The following AFF2 variants were observed in gnomAD, a reference collection of about 807,000 sequenced individuals.
The protein encoded by AFF2 is AF4/FMR2 family member 2.
AFF2 carries 14 observed loss-of-function variants against 76.9 expected under a neutral mutation model. That is an observed-to-expected ratio of 0.18 (90% CI 0.12 to 0.28). The LOEUF is 0.28. Among genes scored for constraint, AFF2 ranks in the 10% least tolerant of loss-of-function variants. The pLI, the probability that AFF2 is intolerant of heterozygous loss-of-function variation, is 1.00. For missense variants in AFF2, 868 were observed against 1,001.1 expected, an observed-to-expected ratio of 0.87 and a Z score of 1.79; for synonymous variants, 398 against 366.7, an observed-to-expected ratio of 1.09 and a Z score of -0.98.
chrX:148,624,977 T>G (rs2053907957), intron 1 of AFF2, among the ~76,000 whole-genome samples: 1 of 111,800 alleles, frequency 8.9e-6, no homozygotes, highest in African/African-American at 3.2e-5. Flanking sequence ...TCTCTAGTTA[T>G]GAGCTCCATT....
chrX:148,698,637 A>C (rs1486690281), intron 3 of AFF2, among the ~76,000 whole-genome samples: 2 of 112,271 alleles, frequency 1.8e-5, no homozygotes, highest in African/African-American at 6.5e-5. Context: ...GTTTGCATAA[A>C]CAAATGTTAA....
At chrX:148,713,689 C>T in intron 3 of AFF2, among the ~76,000 whole-genome samples, 1 of 111,624 alleles carries the variant, frequency 9.0e-6, no homozygotes, top group Non-Finnish European at 1.9e-5. Flanking sequence ...GAAAAGGCTG[C>T]CCACTTATTG....
chrX:148,758,640 AAGG>A (rs1174252165), intron 3 of AFF2, among the ~76,000 whole-genome samples: 2 of 111,822 alleles, frequency 1.8e-5, no homozygotes, highest in East Asian at 5.6e-4. Flanking sequence ...TTAAAACTTG[AAGG>A]AAGACCTTCT....
In AFF2 at chrX:148,916,272, C is replaced by G. The variant is rs112013706; in HGVS notation, c.1397+12014C>G. Reference sequence around the variant, plus strand: ...TCGCCCAGGTTGGAGTGCAGTGGCGCGATCTCGGCTCACTGCAAGCTCCGC... The same window carrying G: ...TCGCCCAGGTTGGAGTGCAGTGGCGGGATCTCGGCTCACTGCAAGCTCCGC... On this transcript the variant is annotated intron_variant, in intron 9 of 20. Coordinates refer to ENST00000370460, the MANE Select transcript of AFF2 (RefSeq NM_002025.4). Among the ~76,000 whole-genome samples, 814 of 88,053 alleles carry G rather than the reference C, an allele frequency of 9.2e-3. 18 individuals are homozygous for G. The highest frequency in any genetic ancestry group is 0.036 in the African/African-American group (772 of 21,497). 76.5% of individuals were successfully genotyped at this position (88,053 alleles called of 115,157 possible). A position where few individuals can be genotyped will look rare whatever the true frequency, so the allele number is the denominator to read the frequency against.
At chrX:148,628,175 GACTGGTGATGGGGGGACAAC>G (rs2053945415) in intron 1 of AFF2, among the ~76,000 whole-genome samples, 1 of 111,488 alleles carries the variant, frequency 9.0e-6, no homozygotes, top group South Asian at 3.7e-4. Flanking sequence ...TGAAGTGAGA[GACTGGTGATGGGGGGACAAC>G]ACTGTGAATG....
intron 3 of AFF2, among the ~76,000 whole-genome samples, chrX:148,802,213 G>A (rs2070068613): frequency 8.9e-6 from 1 of 112,184 alleles, no homozygotes; most frequent in Non-Finnish European, 1.9e-5. Flanking sequence ...TAATAAAATC[G>A]TAGAATCCAA....
At chrX:148,932,593 G>T (rs1557284517) in intron 9 of AFF2, among the ~76,000 whole-genome samples, 2 of 111,789 alleles carry the variant, frequency 1.8e-5, no homozygotes, top group African/African-American at 6.5e-5. Flanking sequence ...TCTCTCTCCG[G>T]TTGGGTTAAC....
chrX:148,990,582 A>G (rs1236501150), intron 20 of AFF2, among the ~76,000 whole-genome samples: 1 of 112,493 alleles, frequency 8.9e-6, no homozygotes, highest in South Asian at 3.7e-4. Context: ...TAAGTGAACC[A>G]AGGGGAAATC....
At chrX:148,923,611 TA>T (rs3216391) in intron 9 of AFF2, among the ~76,000 whole-genome samples, 5,339 of 104,926 alleles carry the variant, frequency 0.051, 323 homozygotes, top group African/African-American at 0.17. Context: ...GGGCATGTGT[TA>T]AAAAAAAAAA....
chrX:148,538,550 T>A (rs781863105), intron 1 of AFF2, among the ~76,000 whole-genome samples: 1 of 112,774 alleles, frequency 8.9e-6, no homozygotes, highest in African/African-American at 3.2e-5. Context: ...TGACTAAATT[T>A]ACCTGAAAGT....
At chrX:148,833,840 C>T (rs1305771266) in intron 4 of AFF2, among the ~76,000 whole-genome samples, 4 of 111,417 alleles carry the variant, frequency 3.6e-5, no homozygotes, top group Non-Finnish European at 7.5e-5. Context: ...TAAGGTGAGG[C>T]TTGTGACAAC....
In AFF2 at chrX:148,797,969, G is replaced by A. The variant is rs186669559; in HGVS notation, c.1042-11907G>A. On this transcript the variant is annotated intron_variant, in intron 3 of 20. Coordinates refer to ENST00000370460, the MANE Select transcript of AFF2 (RefSeq NM_002025.4). ...TACTCGTCTATAGTATACCCTCCCTGTCTTAGTCTGTCTTGTGCTTCTATA... is the reference window on the plus strand; with the variant it reads ...TACTCGTCTATAGTATACCCTCCCTATCTTAGTCTGTCTTGTGCTTCTATA... Among the ~76,000 whole-genome samples, 11 of 112,232 alleles carry A rather than the reference G, an allele frequency of 9.8e-5. No homozygotes were observed. In the East Asian group the frequency reaches 2.8e-3, roughly 29 times the overall value.
intron 1 of AFF2, among the ~76,000 whole-genome samples, chrX:148,507,547 C>T (rs1403386237): frequency 9.0e-6 from 1 of 111,624 alleles, no homozygotes; most frequent in Non-Finnish European, 1.9e-5. Flanking sequence ...GAGTTTCAGT[C>T]TTTATGACTT....
At chrX:148,740,290 C>T (rs1327707688) in intron 3 of AFF2, among the ~76,000 whole-genome samples, 1 of 111,908 alleles carries the variant, frequency 8.9e-6, no homozygotes, top group Non-Finnish European at 1.9e-5. Context: ...ACTGATTATT[C>T]TTAGGTTCAG....
chrX:148,720,421 G>GAT (rs1266783216), intron 3 of AFF2, among the ~76,000 whole-genome samples: 3 of 106,908 alleles, frequency 2.8e-5, no homozygotes, highest in Non-Finnish European at 5.8e-5. Flanking sequence ...TTCATATATA[G>GAT]ATATATATAT....
chrX:148,753,328 A>G lies in AFF2; in HGVS notation c.1042-56548A>G, dbSNP rs1557266633. On this transcript the variant is annotated intron_variant, in intron 3 of 20. Coordinates refer to ENST00000370460, the MANE Select transcript of AFF2 (RefSeq NM_002025.4). ...ATCCATGAATTGTAACTGCTCTGAT[A>G]GTTCTGCAGCTATTTTTTAATTTGT... Among the ~76,000 whole-genome samples the G allele has an allele frequency of 4.5e-5, 5 of 112,125 alleles. No individual in the cohort carries two copies. In the Admixed American group the frequency reaches 4.7e-4, roughly 11 times the overall value.
intron 15 of AFF2, among the ~76,000 whole-genome samples, chrX:148,968,770 C>A (rs2072212380): frequency 8.9e-6 from 1 of 112,163 alleles, no homozygotes; most frequent in African/African-American, 3.2e-5. Flanking sequence ...TCCTTAGAAG[C>A]AATTTTCCCC....
At chrX:148,877,129 T>A (rs2071044386) in intron 7 of AFF2, among the ~76,000 whole-genome samples, 1 of 112,073 alleles carries the variant, frequency 8.9e-6, no homozygotes, top group South Asian at 3.8e-4. Flanking sequence ...GGGGGTCAGC[T>A]GGCACCTTTG....
rs200156128 is a variant in AFF2 at position 148,581,546 on chromosome X, C to G, written c.48-70453C>G. Among the ~76,000 whole-genome samples, 2 of 64,534 alleles carry G rather than the reference C, an allele frequency of 3.1e-5. 1 individual carries two copies. The highest frequency in any genetic ancestry group is 5.7e-5 in the Non-Finnish European group (2 of 35,287). The allele number at this position is 64,534 out of a possible 115,157, so 56.0% of individuals were successfully genotyped here. ...TGTACACACATATATACGTATACGTCTACGTGTACACACATATATACGTAT... is the reference window on the plus strand; with the variant it reads ...TGTACACACATATATACGTATACGTGTACGTGTACACACATATATACGTAT... On this transcript the variant is annotated intron_variant, in intron 1 of 20. Coordinates refer to ENST00000370460, the MANE Select transcript of AFF2 (RefSeq NM_002025.4).
Sources: gnomAD v4.1 joint callset for allele counts (sites outside exome capture counted in the v4.1 genomes callset) on GRCh38, gnomAD v4.1.1 for gene constraint, MANE v1.5 for transcripts, NCBI Gene and HGNC (gene_info 2026-07-23, HGNC 2026-07-21) for gene names.